Variants in DLG2 observed in about 807,000 individuals in gnomAD.
DLG2 encodes the protein disks large homolog 2.
Under a neutral mutation model 132.5 loss-of-function variants are expected in DLG2, and 45 were observed. The ratio of observed to expected loss-of-function variants is 0.34; its 90% CI spans 0.27 to 0.44. The LOEUF (loss-of-function observed/expected upper bound fraction) is 0.44. Among genes scored for constraint, DLG2 ranks in the 20% least tolerant of loss-of-function variants. The probability of loss-of-function intolerance (pLI) is 1.00; values close to 1 mark genes in which losing one functional copy is unlikely to be tolerated. For missense variants in DLG2, 1,045 were observed against 1,196.9 expected, an observed-to-expected ratio of 0.87 and a Z score of 1.87; for synonymous variants, 424 against 419.6, an observed-to-expected ratio of 1.01 and a Z score of -0.13.
intron 6 of DLG2, among the ~76,000 whole-genome samples, chr11:84,554,911 G>T (rs1340990097): frequency 6.6e-6 from 1 of 152,110 alleles, no homozygotes; most frequent in African/African-American, 2.4e-5. Context: ...TGAAGAGGTG[G>T]GTAAGCTGCC....
intron 7 of DLG2, among the ~76,000 whole-genome samples, chr11:84,311,438 A>G (rs2098285989): frequency 1.3e-5 from 2 of 152,230 alleles, no homozygotes. Context: ...ACAGAGGAGA[A>G]AAATGAGGCT....
At chr11:83,641,534 A>G (rs1377579850) in intron 18 of DLG2, among the ~76,000 whole-genome samples, 4 of 152,152 alleles carry the variant, frequency 2.6e-5, no homozygotes, top group Non-Finnish European at 5.9e-5. Flanking sequence ...TAGGCTTTAG[A>G]GGTACACTTA....
intron 6 of DLG2, among the ~76,000 whole-genome samples, chr11:85,095,698 A>G (rs2069616663): frequency 6.6e-6 from 1 of 152,150 alleles, no homozygotes; most frequent in Admixed American, 6.5e-5. Context: ...TCCCACTACC[A>G]TACCTAAAAT....
At position 84,703,889 on chromosome 11, in the gene DLG2, T is replaced by TACAC. The variant is rs1209326577; in HGVS notation, c.358-169159_358-169158insGTGT. Reference sequence around the variant, plus strand: ...ATATATATATATATATATATACACGTGTGTGTGTGTGTGTGTGTGTGTGTG... The same window carrying TACAC: ...ATATATATATATATATATATACACGTACACGTGTGTGTGTGTGTGTGTGTGTGTG... On this transcript the variant is annotated intron_variant, in intron 6 of 27. Transcript: ENST00000376104. 1.4e-3 allele frequency among the ~76,000 whole-genome samples: 95 copies of TACAC among 66,112 alleles called. 1 individual carries two copies. The highest frequency in any genetic ancestry group is 6.9e-3 in the African/African-American group (52 of 7,520). The allele number at this position is 66,112 out of a possible 152,430, so 43.4% of individuals were successfully genotyped here.
chr11:85,504,056 A>T (rs1238729), intron 3 of DLG2, among the ~76,000 whole-genome samples: 150,938 of 152,290 alleles, frequency 0.99, 74,801 homozygotes, highest in East Asian at 1. Context: ...TTTGAGGGGG[A>T]TGTTTGATTT....
chr11:84,611,690 G>A (rs998804551), intron 6 of DLG2, among the ~76,000 whole-genome samples: 4 of 152,128 alleles, frequency 2.6e-5, no homozygotes, highest in African/African-American at 7.2e-5. Context: ...AAACTTAAAT[G>A]AGGAGTGACT....
At chr11:83,899,693 G>A (rs111274627) in intron 15 of DLG2, among the ~76,000 whole-genome samples, 15,302 of 152,100 alleles carry the variant, frequency 0.1, 875 homozygotes, top group Middle Eastern at 0.2. Context: ...CTCCAGCCAC[G>A]TGGAAATGTA....
chr11:83,555,358 T>G (rs990911198), intron 19 of DLG2, among the ~76,000 whole-genome samples: 1 of 152,192 alleles, frequency 6.6e-6, no homozygotes, highest in African/African-American at 2.4e-5. Flanking sequence ...CAGATTTACA[T>G]CGAAAACAGA....
In DLG2 at chr11:83,853,795, G is replaced by A. The variant is rs186576487; in HGVS notation, c.1566-20025C>T. Among the ~76,000 whole-genome samples, 687 of 152,136 alleles carry A rather than the reference G, an allele frequency of 4.5e-3. 3 individuals are homozygous for A. The highest frequency in any genetic ancestry group is 0.016 in the African/African-American group (655 of 41,516). On this transcript the variant is annotated intron_variant, in intron 16 of 27. Transcript: ENST00000376104. The stretch of plus-strand genomic sequence containing the variant: ...TCATGCCTAATGGTAAAAAAAACTT[G>A]AAGCTTTCCCACTAAGATCAGAAAC...
intron 11 of DLG2, among the ~76,000 whole-genome samples, chr11:83,985,520 T>C (rs1290590054): frequency 6.6e-6 from 1 of 151,994 alleles, no homozygotes; most frequent in Non-Finnish European, 1.5e-5. Flanking sequence ...TTCCCTCCCC[T>C]TGACAAGCCC....
intron 18 of DLG2, among the ~76,000 whole-genome samples, chr11:83,752,663 A>C (rs1186987775): frequency 6.6e-6 from 1 of 152,220 alleles, no homozygotes; most frequent in Non-Finnish European, 1.5e-5. Flanking sequence ...GTTATAAAGC[A>C]AGATTGTTTA....
At chr11:84,080,200 A>G (rs965189278) in intron 10 of DLG2, among the ~76,000 whole-genome samples, 1 of 152,224 alleles carries the variant, frequency 6.6e-6, no homozygotes, top group African/African-American at 2.4e-5. Flanking sequence ...AATAAATAAC[A>G]ACAGTTTGGG....
At chr11:83,983,804 C>T (rs1228599981) in intron 11 of DLG2, among the ~76,000 whole-genome samples, 1 of 152,014 alleles carries the variant, frequency 6.6e-6, no homozygotes, top group Non-Finnish European at 1.5e-5. Context: ...ATACCCCAAA[C>T]TGGCTTTTCC....
chr11:85,041,385 C>A lies in DLG2; in HGVS notation c.357+70276G>T, dbSNP rs764471198. ...TTCATCAGCCTATCTGATTCACTGT[C>A]ACTAAAGCAATATATCAAGCATGGT... is the stretch of plus-strand genomic sequence containing the variant. On this transcript the variant is annotated intron_variant, in intron 6 of 27. Transcript: ENST00000376104. Among the ~76,000 whole-genome samples the A allele has an allele frequency of 1.2e-3, 185 of 151,876 alleles. 1 individual carries two copies. Among genetic ancestry groups the A allele is most frequent in the Non-Finnish European group, 6.9e-4 (47 of 67,876 alleles).
intron 6 of DLG2, among the ~76,000 whole-genome samples, chr11:84,964,051 C>G (rs17147834): frequency 0.038 from 5,774 of 152,098 alleles, 337 homozygotes; most frequent in African/African-American, 0.13. Context: ...TCAAAGCTTT[C>G]TGGAATCACT....
intron 3 of DLG2, among the ~76,000 whole-genome samples, chr11:85,367,234 T>G (rs1189863430): frequency 1.3e-5 from 2 of 152,190 alleles, no homozygotes; most frequent in African/African-American, 4.8e-5. Flanking sequence ...GAGGGATGAT[T>G]GTTCAAATGT....
chr11:83,578,765 G>A (rs1036201872), intron 19 of DLG2, among the ~76,000 whole-genome samples: 2 of 152,122 alleles, frequency 1.3e-5, no homozygotes, highest in Non-Finnish European at 2.9e-5. Context: ...GTGAACATTA[G>A]CAACTTGACT....
chr11:85,322,156 C>T (rs956791639), intron 3 of DLG2, among the ~76,000 whole-genome samples: 8 of 152,054 alleles, frequency 5.3e-5, no homozygotes, highest in African/African-American at 1.9e-4. Context: ...TCACCATATC[C>T]TTTTCTCACC....
At chr11:84,101,165 G>A (rs896413135) in intron 9 of DLG2, among the ~76,000 whole-genome samples, 3 of 152,116 alleles carry the variant, frequency 2.0e-5, no homozygotes, top group Non-Finnish European at 4.4e-5. Context: ...CACATGAAGG[G>A]GAAATGCAGA....
Sources: allele counts gnomAD v4.1 joint callset (sites outside exome capture counted in the v4.1 genomes callset), GRCh38; gene constraint gnomAD v4.1.1; transcripts MANE v1.5; gene names NCBI Gene and HGNC (gene_info 2026-07-23, HGNC 2026-07-21).